GRB10: variants seen among roughly 807,000 people sequenced by gnomAD.
GRB10 encodes the protein growth factor receptor-bound protein 10.
GRB10 carries 20 observed loss-of-function variants against 80.9 expected under a neutral mutation model. The ratio of observed to expected loss-of-function variants is 0.25; its 90% CI spans 0.17 to 0.36. The LOEUF is 0.36. GRB10 is among the 10% of genes least tolerant of loss of function. GRB10 has a pLI of 1.00. For missense variants in GRB10, 548 were observed against 747.7 expected, an observed-to-expected ratio of 0.73 and a Z score of 3.12; for synonymous variants, 291 against 291.5, an observed-to-expected ratio of 1.00 and a Z score of 0.02.
At chr7:50,702,233 G>A (rs967776740) in intron 5 of GRB10, among the ~76,000 whole-genome samples, 1 of 152,204 alleles carries the variant, frequency 6.6e-6, no homozygotes, top group South Asian at 2.1e-4. Context: ...CCCAGGCAAC[G>A]GCCCTTTTCC....
intron 1 of GRB10, chr7:50,792,525 C>T: frequency 2.5e-6 from 1 of 398,574 alleles, no homozygotes; most frequent in Non-Finnish European, 4.4e-6. Flanking sequence ...AGAGTTGCAT[C>T]AGAAATTTCC....
At chr7:50,744,712 G>C (rs1469381253) in intron 3 of GRB10, among the ~76,000 whole-genome samples, 1 of 152,132 alleles carries the variant, frequency 6.6e-6, no homozygotes, top group Non-Finnish European at 1.5e-5. Context: ...AATGCAATGA[G>C]CAATTTACTG....
At chr7:50,637,875 T>G (rs1313395052) in intron 7 of GRB10, among the ~76,000 whole-genome samples, 1 of 138,032 alleles carries the variant, frequency 7.2e-6, no homozygotes, top group Non-Finnish European at 1.7e-5. Context: ...TGAAATGGAA[T>G]AGAGAACACA....
intron 1 of GRB10, among the ~76,000 whole-genome samples, chr7:50,790,374 A>G (rs1385210000): frequency 6.6e-6 from 1 of 152,388 alleles, no homozygotes; most frequent in East Asian, 1.9e-4. Context: ...TATAAAAAAT[A>G]AAATAGCACA....
chr7:50,722,144 A>G (rs1232376595), intron 4 of GRB10, among the ~76,000 whole-genome samples: 1 of 152,078 alleles, frequency 6.6e-6, no homozygotes, highest in Non-Finnish European at 1.5e-5. Flanking sequence ...AGTAGCTCCC[A>G]GCTTCCCAGG....
intron 7 of GRB10, among the ~76,000 whole-genome samples, chr7:50,649,629 G>A (rs2057735870): frequency 6.6e-6 from 1 of 152,186 alleles, no homozygotes; most frequent in Non-Finnish European, 1.5e-5. Context: ...AGAGCTGCTG[G>A]GCTGTGGATG....
At position 50,788,483 on chromosome 7, in the gene GRB10, G is replaced by A. The variant is rs115525939; in HGVS notation, c.-294+4741C>T. ...CCCTGACAGCTCACAGACAGGACCA[G>A]ACAGAGAGCAGTCCCCAACGCAGTG... On this transcript the variant is annotated intron_variant, in intron 1 of 16. Coordinates refer to the GRB10 transcript ENST00000335866. 4.8e-3 allele frequency among the ~76,000 whole-genome samples: 724 copies of A among 152,256 alleles called. 6 individuals are homozygous for A. The highest frequency in any genetic ancestry group is 0.017 in the African/African-American group (691 of 41,530).
chr7:50,618,906 C>T (rs2051137791), intron 9 of GRB10, among the ~76,000 whole-genome samples: 1 of 152,254 alleles, frequency 6.6e-6, no homozygotes, highest in African/African-American at 2.4e-5. Flanking sequence ...CCTCTCCCAG[C>T]TCCTGTCTTA....
At chr7:50,760,773 C>T (rs1045796329) in intron 2 of GRB10, among the ~76,000 whole-genome samples, 1 of 152,146 alleles carries the variant, frequency 6.6e-6, no homozygotes, top group Non-Finnish European at 1.5e-5. Context: ...AGAGTGGGCA[C>T]GTGTCTTCAC....
chr7:50,746,468 G>A (rs1445272500), intron 3 of GRB10, among the ~76,000 whole-genome samples: 1 of 152,102 alleles, frequency 6.6e-6, no homozygotes, highest in Admixed American at 6.5e-5. Context: ...TTATACCTAA[G>A]ACCGGGATTC....
At chr7:50,666,797 T>C (rs945589750) in intron 7 of GRB10, among the ~76,000 whole-genome samples, 1 of 151,582 alleles carries the variant, frequency 6.6e-6, no homozygotes, top group Admixed American at 6.6e-5. Context: ...TCCCAGCACT[T>C]TGGGAGGCCG....
chr7:50,605,167 A>AGAGG, intron 15 of GRB10, 123 bp downstream of exon 15: 5 of 738,848 alleles, frequency 6.8e-6, no homozygotes, highest in South Asian at 3.2e-5. Flanking sequence ...CTGAGAACTC[A>AGAGG]CCCCACCCAA....
At chr7:50,724,696 A>C (rs941231916) in intron 4 of GRB10, among the ~76,000 whole-genome samples, 2 of 152,122 alleles carry the variant, frequency 1.3e-5, no homozygotes, top group Non-Finnish European at 2.9e-5. Context: ...AACCCCGACA[A>C]AGGAAGGATG....
chr7:50,785,811 T>C (rs1302595312), upstream of GRB10, among the ~76,000 whole-genome samples: 1 of 152,098 alleles, frequency 6.6e-6, no homozygotes, highest in East Asian at 1.9e-4. Context: ...CATTTACAAA[T>C]GGGAGAGAAG....
intron 7 of GRB10, among the ~76,000 whole-genome samples, chr7:50,655,984 C>T (rs1365792849): frequency 1.3e-5 from 2 of 152,218 alleles, no homozygotes; most frequent in Non-Finnish European, 2.9e-5. Flanking sequence ...AGGTGATTAG[C>T]ATTGGTTTCT....
intron 14 of GRB10, among the ~76,000 whole-genome samples, chr7:50,605,795 A>G (rs988013721): frequency 6.6e-6 from 1 of 151,398 alleles, no homozygotes; most frequent in African/African-American, 2.4e-5. Flanking sequence ...GTTCAGGAAA[A>G]CTCGTGGACC....
In GRB10 at chr7:50,791,877, T is replaced by C. The variant is rs538255026; in HGVS notation, c.-294+1347A>G. Among the ~76,000 whole-genome samples, 3 of 150,728 alleles carry C rather than the reference T, an allele frequency of 2.0e-5. No homozygotes were observed. The South Asian group carries it at 6.4e-4, about 32-fold the overall frequency. ...TGGTTTTCAGTGCTTTTACTTAAAA[T>C]ACTCTCCTAAAAGACACTTCACCGC... On this transcript the variant is annotated intron_variant, in intron 1 of 16. Transcript: ENST00000335866.
At chr7:50,655,868 A>T (rs2058592541) in intron 7 of GRB10, among the ~76,000 whole-genome samples, 1 of 152,192 alleles carries the variant, frequency 6.6e-6, no homozygotes, top group South Asian at 2.1e-4. Context: ...TATGCCTTCC[A>T]AGGCACTTAA....
At chr7:50,639,334 T>C (rs1342007848) in intron 7 of GRB10, among the ~76,000 whole-genome samples, 1 of 152,238 alleles carries the variant, frequency 6.6e-6, no homozygotes, top group Non-Finnish European at 1.5e-5. Context: ...AAAATCCTTT[T>C]TTCTAAAGGA....
Sources: allele counts gnomAD v4.1 joint callset (sites outside exome capture counted in the v4.1 genomes callset), GRCh38; gene constraint gnomAD v4.1.1; transcripts MANE v1.5; gene names NCBI Gene and HGNC (gene_info 2026-07-23, HGNC 2026-07-21).